KCTD15: variants seen among roughly 807,000 people sequenced by gnomAD.
KCTD15 encodes BTB/POZ domain-containing protein KCTD15.
KCTD15 carries 11 observed loss-of-function variants against 27.2 expected under a neutral mutation model. The observed-to-expected ratio is 0.41, with a 90% CI of 0.25 to 0.67. The LOEUF is 0.67. Among genes scored for constraint, KCTD15 ranks in the 30% least tolerant of loss-of-function variants. The pLI is 0.35. For missense variants in KCTD15, 350 were observed against 409.3 expected, an observed-to-expected ratio of 0.86 and a Z score of 1.25; for synonymous variants, 163 against 176.0, an observed-to-expected ratio of 0.93 and a Z score of 0.58.
Position 33,803,280 on chromosome 19 carries a change from G to T in KCTD15, c.242+1938G>T, listed in dbSNP as rs528112605. Among the ~76,000 whole-genome samples, 99 of 152,350 alleles carry T rather than the reference G, an allele frequency of 6.5e-4. 1 individual carries two copies. Among genetic ancestry groups the T allele is most frequent in the African/African-American group, 2.3e-3 (97 of 41,580 alleles). On this transcript the variant is annotated intron_variant, in intron 4 of 6. Coordinates refer to ENST00000683859, the MANE Select transcript of KCTD15 (RefSeq NM_001129994.2). ...CCAGGGGGCCTGAGAAGTGGGTCAG[G>T]CAGCTGTGCTGGCAAGAGCCCCTCA...
At chr19:33,807,765 A>G (rs577244536) in intron 5 of KCTD15, among the ~76,000 whole-genome samples, 83 of 152,238 alleles carry the variant, frequency 5.5e-4, no homozygotes, top group African/African-American at 1.9e-3. Context: ...TTCAAAAAAT[A>G]AAGTATAAAA....
At chr19:33,806,073 T>C (rs1975702702) in intron 4 of KCTD15, among the ~76,000 whole-genome samples, 1 of 152,212 alleles carries the variant, frequency 6.6e-6, no homozygotes. Context: ...GTATGCACTG[T>C]GGTGCATGTG....
intron 4 of KCTD15, among the ~76,000 whole-genome samples, chr19:33,806,003 C>T (rs985297139): frequency 5.9e-5 from 9 of 152,336 alleles, no homozygotes; most frequent in African/African-American, 1.7e-4. Flanking sequence ...GCCTTCTCTC[C>T]AGTCCCCATC....
At position 33,806,972 on chromosome 19, in the gene KCTD15, C is replaced by T; in HGVS notation, c.352C>T (p.Arg118Trp). The T allele has an allele frequency of 1.2e-6, 2 of 1,614,110 alleles. No individual in the cohort carries two copies. The highest frequency in any genetic ancestry group is 1.7e-6 in the Non-Finnish European group (2 of 1,180,026). The change falls in exon 5 of 7, where the codon CGG becomes TGG. Residue 118 changes from arginine (R) to tryptophan (W), a missense_variant. Physicochemically the swap from Arg to Trp is moderately radical, Grantham distance 101. Transcript: ENST00000683859. Reference protein sequence around the residue: ...EIFRYVLSFLRTSKLLLPDDF... With the variant: ...EIFRYVLSFLWTSKLLLPDDF... ...TTTCCGCTACGTCCTGAGCTTCCTG[C>T]GGACGTCCAAGCTGCTGCTTCCGGA...
chr19:33,809,757 G>A (rs1975830786), intron 5 of KCTD15, among the ~76,000 whole-genome samples: 1 of 152,106 alleles, frequency 6.6e-6, no homozygotes, highest in Admixed American at 6.6e-5. Flanking sequence ...TGTAGTCTCA[G>A]CTGCTCGGGA....
chr19:33,812,032 A>G, intron 6 of KCTD15: 4 of 1,421,562 alleles, frequency 2.8e-6, no homozygotes, highest in South Asian at 1.6e-5. Context: ...TGGACAGCTC[A>G]GATGGAGTGA....
chr19:33,798,434 G>C (rs1975425503), intron 1 of KCTD15: 1 of 151,816 alleles, frequency 6.6e-6, no homozygotes, highest in Non-Finnish European at 1.5e-5. Flanking sequence ...TCTCTGCTCG[G>C]GCGGGCGGGG....
chr19:33,797,456 G>A (rs923692078), intron 1 of KCTD15: 1 of 449,040 alleles, frequency 2.2e-6, no homozygotes, highest in African/African-American at 2.0e-5. Flanking sequence ...TCTCCAGTGG[G>A]ACAGATGTGC....
At position 33,813,762 on chromosome 19, in the gene KCTD15, A is replaced by G. The variant is rs1568385428; in HGVS notation, c.*814A>G. On this transcript the variant is annotated 3_prime_UTR_variant, in exon 7 of 7. Coordinates refer to ENST00000683859, the MANE Select transcript of KCTD15 (RefSeq NM_001129994.2). ...CCGTTCGGACCAGCCTCAGGGCTGC[A>G]CGTTACCTCAGGAATGGGCCCCACC... The G allele has an allele frequency of 5.9e-6, 1 of 168,492 alleles. No individual in the cohort carries two copies. Among genetic ancestry groups the G allele is most frequent in the Non-Finnish European group, 1.3e-5 (1 of 78,304 alleles). The allele number at this position is 168,492 out of a possible 1,614,324, so 10.4% of individuals were successfully genotyped here. A position where few individuals can be genotyped will look rare whatever the true frequency, so the allele number is the denominator to read the frequency against.
intron 4 of KCTD15, 109 bp from the exon 5 acceptor site, chr19:33,806,754 C>A: frequency 7.9e-7 from 1 of 1,264,218 alleles, no homozygotes; most frequent in Non-Finnish European, 1.1e-6. Context: ...CATGTCAGGT[C>A]CCTCGCCCCT....
Position 33,800,442 on chromosome 19 carries a change from G to C in KCTD15, c.-13G>C. ...GCCTCCCGCAGATACTCTGGGCAGG[G>C]ATGGAAGCCTAGATGCCTCACCGCA... On this transcript the variant is annotated 5_prime_UTR_variant, in exon 3 of 7. Transcript: ENST00000683859. 1 of 1,601,308 alleles carries C rather than the reference G, an allele frequency of 6.2e-7. No homozygotes were observed. The highest frequency in any genetic ancestry group is 8.5e-7 in the Non-Finnish European group (1 of 1,175,116).
At chr19:33,804,293 G>A (rs1975649200) in intron 4 of KCTD15, among the ~76,000 whole-genome samples, 1 of 152,214 alleles carries the variant, frequency 6.6e-6, no homozygotes, top group Non-Finnish European at 1.5e-5. Flanking sequence ...CTGAAATAAG[G>A]CAGATGGAAA....
rs1053668410 is a variant in KCTD15, at chr19:33,797,251, T to C, written c.-127+264T>C. ...TCTCGGAGCTTCCTGCCGCGCGGTG[T>C]GTGTGTGTGTGTGTGTGTGTGTGTG... is the stretch of plus-strand genomic sequence containing the variant. On this transcript the variant is annotated intron_variant, in intron 1 of 6. Transcript: ENST00000683859. Among the ~76,000 whole-genome samples the C allele has an allele frequency of 2.2e-3, 119 of 54,682 alleles. 1 individual carries two copies. The highest frequency in any genetic ancestry group is 8.2e-3 in the African/African-American group (119 of 14,546). 35.9% of individuals were successfully genotyped at this position (54,682 alleles called of 152,430 possible). A position where few individuals can be genotyped will look rare whatever the true frequency, so the allele number is the denominator to read the frequency against.
chr19:33,803,842 G>A (rs1975634884), intron 4 of KCTD15, among the ~76,000 whole-genome samples: 1 of 147,582 alleles, frequency 6.8e-6, no homozygotes, highest in South Asian at 2.2e-4. Context: ...TGGAGCCAGA[G>A]CTTAAAAAAA....
At chr19:33,807,087 C>T (rs1358543822) in intron 5 of KCTD15, 80 bp downstream of exon 5, 2 of 1,454,632 alleles carry the variant, frequency 1.4e-6, no homozygotes, top group East Asian at 4.6e-5. Flanking sequence ...AATAAGTGGA[C>T]CCCTGGTTGT....
chr19:33,811,995 C>A, intron 6 of KCTD15: 1 of 1,470,908 alleles, frequency 6.8e-7, no homozygotes. Context: ...ATCCCTGGAC[C>A]GGCTCTTCCT....
At chr19:33,806,387 C>T (rs998437316) in intron 4 of KCTD15, among the ~76,000 whole-genome samples, 32 of 152,180 alleles carry the variant, frequency 2.1e-4, no homozygotes, top group Non-Finnish European at 4.4e-5. Context: ...CACTCGTTTA[C>T]ATGGGTTGGG....
intron 3 of KCTD15, 57 bp from the exon 4 acceptor site, chr19:33,801,110 A>C: frequency 6.7e-7 from 1 of 1,502,506 alleles, no homozygotes. Flanking sequence ...TGTGTTGTGG[A>C]GAAACTCTTG....
intron 6 of KCTD15, 156 bp downstream of exon 6, chr19:33,811,708 T>G: frequency 6.5e-7 from 1 of 1,540,486 alleles, no homozygotes; most frequent in Non-Finnish European, 8.9e-7. Context: ...GCATAATTTA[T>G]GTCCCTCTCA....
Sources: allele counts gnomAD v4.1 joint callset (sites outside exome capture counted in the v4.1 genomes callset), GRCh38; gene constraint gnomAD v4.1.1; transcripts MANE v1.5; gene names NCBI Gene and HGNC (gene_info 2026-07-23, HGNC 2026-07-21).